PHACTR3: variants seen among roughly 807,000 people sequenced by gnomAD.
PHACTR3 encodes the protein protein phosphatase 1, regulatory subunit 123.
In PHACTR3, 16 loss-of-function variants were observed where a neutral mutation model predicts 66.8. The observed-to-expected ratio is 0.24, with a 90% CI of 0.16 to 0.36. PHACTR3 has a LOEUF of 0.36. Ranked by LOEUF, PHACTR3 falls within the 10% of genes least tolerant of loss-of-function variation. The pLI, the probability that PHACTR3 is intolerant of heterozygous loss-of-function variation, is 1.00. For synonymous variants in PHACTR3, 323 were observed against 292.1 expected, an observed-to-expected ratio of 1.11 and a Z score of -1.08; for missense variants, 647 against 719.9, an observed-to-expected ratio of 0.90 and a Z score of 1.16.
At chr20:59,822,135 G>C (rs1362112242) in intron 8 of PHACTR3, among the ~76,000 whole-genome samples, 1 of 31,368 alleles carries the variant, frequency 3.2e-5, no homozygotes, top group Non-Finnish European at 5.1e-5. Context: ...CCTCCGCAGC[G>C]ATCCCACCCC....
rs992306519 is a variant in PHACTR3 at position 59,789,346 on chromosome 20, G to A, written c.1174+14856G>A. On this transcript the variant is annotated intron_variant, in intron 7 of 12. Transcript: ENST00000371015. ...GCAGATCCAGTTGGCCATAGCCTGG[G>A]CTATGCCTATATGCAGAATTCTACA... is the stretch of plus-strand genomic sequence containing the variant. Among the ~76,000 whole-genome samples the A allele has an allele frequency of 6.6e-5, 10 of 152,332 alleles. No individual in the cohort carries two copies. The South Asian group carries it at 1.2e-3, about 19-fold the overall frequency.
rs528303700 is a variant in PHACTR3 at position 59,769,500 on chromosome 20, G to A, written c.751+2105G>A. ...CCTCACAGCCTCAGAAGGAACCAAC[G>A]CTGCCAGCATCTTGATTTCAGACTT... On this transcript the variant is annotated intron_variant, in intron 5 of 12. Transcript: ENST00000371015. 1.1e-4 allele frequency among the ~76,000 whole-genome samples: 16 copies of A among 152,314 alleles called. No individual in the cohort carries two copies. The South Asian group carries it at 2.5e-3, about 24-fold the overall frequency.
rs1437737476 is a variant in PHACTR3, at chr20:59,820,164, G to T, written c.1328+13970G>T. ...TCCTGCTTCACCACTGTGGTGAGGGGTCTGCCTGTGAACACTGCAGAGCCT... is the reference window on the plus strand; with the variant it reads ...TCCTGCTTCACCACTGTGGTGAGGGTTCTGCCTGTGAACACTGCAGAGCCT... On this transcript the variant is annotated intron_variant, in intron 8 of 12. Transcript: ENST00000371015. The surrounding 1 kb of genome is among the most constrained non-coding windows in gnomAD (Gnocchi z 4.6). Among the ~76,000 whole-genome samples the T allele has an allele frequency of 1.3e-5, 2 of 152,170 alleles. No homozygotes were observed. The highest frequency in any genetic ancestry group is 3.9e-4 in the East Asian group (2 of 5,178).
intron 1 of PHACTR3, among the ~76,000 whole-genome samples, chr20:59,677,549 G>T (rs1440323910): frequency 6.6e-6 from 1 of 152,186 alleles, no homozygotes; most frequent in Non-Finnish European, 1.5e-5. Context: ...AGCAACATTG[G>T]TTTCCAAAGG....
intron 7 of PHACTR3, among the ~76,000 whole-genome samples, chr20:59,780,936 G>A (rs6070943): frequency 0.21 from 32,214 of 152,086 alleles, 3,794 homozygotes; most frequent in African/African-American, 0.31. Context: ...TCTGGTTGCC[G>A]TGGTAATCAG....
At chr20:59,744,151 C>T (rs2039277558) in intron 2 of PHACTR3, among the ~76,000 whole-genome samples, 6 of 152,266 alleles carry the variant, frequency 3.9e-5, no homozygotes, top group Admixed American at 3.9e-4. Flanking sequence ...ACCCTCAGAA[C>T]CTCCTGCTAG....
intron 1 of PHACTR3, among the ~76,000 whole-genome samples, chr20:59,578,543 C>G (rs752311477): frequency 6.6e-6 from 1 of 152,162 alleles, no homozygotes; most frequent in Admixed American, 6.5e-5. Flanking sequence ...TTCAGTGCCT[C>G]GAAACGGGTT....
intron 1 of PHACTR3, among the ~76,000 whole-genome samples, chr20:59,669,140 A>G (rs1473011371): frequency 1.3e-5 from 2 of 152,024 alleles, no homozygotes; most frequent in African/African-American, 4.8e-5. Context: ...AGCTCAACCT[A>G]TCTGAGCCTC....
rs368916583 is a variant in PHACTR3 at position 59,672,159 on chromosome 20, A to C, written c.118+67027A>C. Among the ~76,000 whole-genome samples, 31 of 152,334 alleles carry C rather than the reference A, an allele frequency of 2.0e-4. No individual in the cohort carries two copies. The East Asian group carries it at 2.7e-3, about 13-fold the overall frequency. Reference sequence around the variant, plus strand: ...ATGGTGCCACTGGCATCTCATGGGCAGAGGCCAGGGATACTGCTAAGTACC... The same window carrying C: ...ATGGTGCCACTGGCATCTCATGGGCCGAGGCCAGGGATACTGCTAAGTACC... On this transcript the variant is annotated intron_variant, in intron 1 of 12. Transcript: ENST00000371015.
At chr20:59,594,559 A>G (rs1209533502) in intron 1 of PHACTR3, among the ~76,000 whole-genome samples, 1 of 152,154 alleles carries the variant, frequency 6.6e-6, no homozygotes, top group Non-Finnish European at 1.5e-5. Context: ...CTAGGTCATC[A>G]AATTTGTGGA....
intron 3 of PHACTR3, among the ~76,000 whole-genome samples, chr20:59,754,645 A>G (rs566463975): frequency 6.6e-6 from 1 of 152,344 alleles, no homozygotes; most frequent in East Asian, 1.9e-4. Context: ...AGAGACCTAC[A>G]GCAATCACCG....
At chr20:59,680,359 C>T (rs1305905147) in intron 1 of PHACTR3, among the ~76,000 whole-genome samples, 1 of 152,016 alleles carries the variant, frequency 6.6e-6, no homozygotes, top group Non-Finnish European at 1.5e-5. Flanking sequence ...TGGTGGCAGG[C>T]TGGACAGGAG....
intron 7 of PHACTR3, among the ~76,000 whole-genome samples, chr20:59,790,693 T>C (rs900624955): frequency 6.6e-6 from 1 of 152,216 alleles, no homozygotes; most frequent in Admixed American, 6.5e-5. Flanking sequence ...AAGTAGTGTG[T>C]ATGGTATGAT....
At chr20:59,581,750 A>G (rs1175873954) in intron 1 of PHACTR3, among the ~76,000 whole-genome samples, 2 of 152,096 alleles carry the variant, frequency 1.3e-5, no homozygotes, top group African/African-American at 2.4e-5. Flanking sequence ...GAGTGGTGGC[A>G]GGTGCCTGTA....
intron 1 of PHACTR3, among the ~76,000 whole-genome samples, chr20:59,719,458 C>G (rs941154724): frequency 2.0e-5 from 3 of 152,168 alleles, no homozygotes; most frequent in African/African-American, 7.2e-5. Flanking sequence ...CCACCGCTCC[C>G]GGTCTCTTAG....
chr20:59,696,863 G>T (rs1013427925), intron 1 of PHACTR3, among the ~76,000 whole-genome samples: 1 of 152,152 alleles, frequency 6.6e-6, no homozygotes, highest in Non-Finnish European at 1.5e-5. Context: ...TACTTTACCT[G>T]GATTGCTGCT....
intron 6 of PHACTR3, 62 bp downstream of exon 6, chr20:59,773,515 G>A: frequency 6.7e-7 from 1 of 1,503,192 alleles, no homozygotes; most frequent in Non-Finnish European, 8.9e-7. Flanking sequence ...CCAGCCTCAG[G>A]CTGTGCAGCT....
chr20:59,646,147 G>T (rs2035275404), intron 1 of PHACTR3, among the ~76,000 whole-genome samples: 1 of 152,176 alleles, frequency 6.6e-6, no homozygotes, highest in Non-Finnish European at 1.5e-5. Context: ...AGGAAGTAAG[G>T]CTCAAGTCCC....
intron 1 of PHACTR3, among the ~76,000 whole-genome samples, chr20:59,679,805 C>G (rs1257672917): frequency 2.6e-5 from 4 of 152,108 alleles, no homozygotes; most frequent in Non-Finnish European, 5.9e-5. Context: ...TCTCATGAGA[C>G]TTATTCACTA....
Sources: gnomAD v4.1 joint callset for allele counts (sites outside exome capture counted in the v4.1 genomes callset) on GRCh38, gnomAD v4.1.1 for gene constraint, Gnocchi (gnomAD v3.1) non-coding constraint, MANE v1.5 for transcripts, NCBI Gene and HGNC (gene_info 2026-07-23, HGNC 2026-07-21) for gene names.